The following CDC25C variants were observed in gnomAD, a reference collection of about 807,000 sequenced individuals.
The protein encoded by CDC25C is M-phase inducer phosphatase 3.
CDC25C carries 48 observed loss-of-function variants against 52.5 expected under a neutral mutation model. The ratio of observed to expected loss-of-function variants is 0.91; its 90% CI spans 0.72 to 1.16. The LOEUF is 1.16. Among genes scored for constraint, CDC25C ranks in the 50% most tolerant of loss-of-function variants. The pLI is 0.00. For synonymous variants in CDC25C, 187 were observed against 206.5 expected (o/e 0.91, Z 0.81); for missense variants, 510 against 566.1 (o/e 0.90, Z 1.01).
rs1756539611 is a variant in CDC25C at position 138,289,574 on chromosome 5, A to G, written c.865-11T>C. On this transcript the variant is annotated splice_polypyrimidine_tract_variant and intron_variant, in intron 9 of 13. Transcript: ENST00000323760. ...TGGCAGCGCACATACCTAGAAATACACAAGAGCTGAAATAACAGCAAGTAT... is the reference window on the plus strand; with the variant it reads ...TGGCAGCGCACATACCTAGAAATACGCAAGAGCTGAAATAACAGCAAGTAT... The G allele has an allele frequency of 6.2e-7, 1 of 1,609,144 alleles. No homozygotes were observed. The highest frequency in any genetic ancestry group is 8.5e-7 in the Non-Finnish European group (1 of 1,175,482).
intron 6 of CDC25C, among the ~76,000 whole-genome samples, chr5:138,321,750 C>CAAAAAAA (rs531353746): frequency 1.1e-4 from 5 of 47,194 alleles, no homozygotes; most frequent in African/African-American, 3.9e-4. Flanking sequence ...GACTCTGTCT[C>CAAAAAAA]AAAAAAAAAA....
At chr5:138,306,466 T>TTTA (rs750734942) in intron 7 of CDC25C, among the ~76,000 whole-genome samples, 148 of 151,376 alleles carry the variant, frequency 9.8e-4, no homozygotes, top group African/African-American at 1.1e-3. Context: ...TTTATTTCCG[T>TTTA]TTATTATTAT....
At chr5:138,325,996 AC>A in intron 5 of CDC25C, 24 bp downstream of exon 5, 2 of 1,613,878 alleles carry the variant, frequency 1.2e-6, no homozygotes, top group Non-Finnish European at 1.7e-6. Flanking sequence ...GCAAAACAAA[AC>A]CCAAAAAAAG....
Position 138,326,011 on chromosome 5 carries a change from G to T in CDC25C, c.369+10C>A. ...GCAAAACAAAACCCAAAAAAAGAGAGGCTACTCACTGGGCTACATTTCATT... is the reference window on the plus strand; with the variant it reads ...GCAAAACAAAACCCAAAAAAAGAGATGCTACTCACTGGGCTACATTTCATT... On this transcript the variant is annotated intron_variant, in intron 5 of 13. Transcript: ENST00000323760. The T allele has an allele frequency of 6.2e-7, 1 of 1,614,120 alleles. No homozygotes were observed. Among genetic ancestry groups the T allele is most frequent in the Non-Finnish European group, 8.5e-7 (1 of 1,179,978 alleles).
Position 138,318,654 on chromosome 5 carries a change from G to A in CDC25C, c.615+565C>T, listed in dbSNP as rs539682651. Among the ~76,000 whole-genome samples the A allele has an allele frequency of 1.5e-3, 231 of 152,118 alleles. 1 individual carries two copies. Among genetic ancestry groups the A allele is most frequent in the African/African-American group, 4.6e-3 (191 of 41,492 alleles). Reference sequence around the variant, plus strand: ...CGCTTGAACCTGGGAAGAGGAGGTCGCAGTGAGCCAAGATGGCGCCACTGC... The same window carrying A: ...CGCTTGAACCTGGGAAGAGGAGGTCACAGTGAGCCAAGATGGCGCCACTGC... On this transcript the variant is annotated intron_variant, in intron 7 of 13. Coordinates refer to ENST00000323760, the MANE Select transcript of CDC25C (RefSeq NM_001790.5).
chr5:138,304,981 T>C (rs1757897860), intron 7 of CDC25C, among the ~76,000 whole-genome samples: 1 of 152,216 alleles, frequency 6.6e-6, no homozygotes, highest in African/African-American at 2.4e-5. Flanking sequence ...CTGCGTGATC[T>C]ACCTCCTGAC....
chr5:138,289,588 A>G (rs1458097502), intron 9 of CDC25C, 25 bp from the exon 10 acceptor site: 2 of 1,591,996 alleles, frequency 1.3e-6, no homozygotes, highest in East Asian at 2.2e-5. Context: ...GAGCTGAAAT[A>G]ACAGCAAGTA....
At position 138,285,730 on chromosome 5, in the gene CDC25C, C is replaced by T; in HGVS notation, c.1384G>A (p.Glu462Lys). 6.2e-7 allele frequency: 1 copy of T among 1,614,206 alleles called. No homozygotes were observed. The highest frequency in any genetic ancestry group is 8.5e-7 in the Non-Finnish European group (1 of 1,180,018). The change falls in exon 14 of 14, where the codon GAG becomes AAG. Residue 462 changes from glutamate (E) to lysine (K), a missense_variant. Glu to Lys is a moderately conservative substitution (Grantham distance 56, BLOSUM62 1). Transcript: ENST00000323760. ...TCCTTCACCAGAAGGGCAATCTGCT[C>T]CCGCAGCTGCCGCTCCCCTTCCTGC... ...KVQEGERQLR[E>K]QIALLVKDMS...
At chr5:138,292,359 T>C (rs1308889522) in intron 7 of CDC25C, among the ~76,000 whole-genome samples, 2 of 151,864 alleles carry the variant, frequency 1.3e-5, no homozygotes, top group African/African-American at 4.8e-5. Flanking sequence ...CTGGACTGCA[T>C]GATATTCCAT....
chr5:138,309,954 G>C (rs1378782117), intron 7 of CDC25C, among the ~76,000 whole-genome samples: 2 of 152,034 alleles, frequency 1.3e-5, no homozygotes, highest in Non-Finnish European at 2.9e-5. Context: ...TGATCCACCT[G>C]TCTCGGCCTC....
exon 1 of CDC25C, chr5:138,338,261 C>T (rs1306656509): frequency 1.9e-6 from 2 of 1,039,128 alleles, no homozygotes; most frequent in South Asian, 1.3e-5. Flanking sequence ...GCGAACCGAG[C>T]GCTCAGAGCT....
intron 12 of CDC25C, 59 bp downstream of exon 12, chr5:138,286,438 T>C: frequency 1.3e-6 from 2 of 1,539,890 alleles, no homozygotes; most frequent in Non-Finnish European, 1.8e-6. Flanking sequence ...TGAACTGGTG[T>C]GGGAAGTCCA....
At chr5:138,334,134 A>AT (rs1176628164), upstream of CDC25C, among the ~76,000 whole-genome samples, 1 of 151,764 alleles carries the variant, frequency 6.6e-6, no homozygotes, top group East Asian at 2.0e-4. Flanking sequence ...GGGTTTCACC[A>AT]TATTGTCCAG....
intron 7 of CDC25C, among the ~76,000 whole-genome samples, chr5:138,312,600 CA>C (rs929688723): frequency 6.6e-6 from 1 of 151,842 alleles, no homozygotes; most frequent in South Asian, 2.1e-4. Flanking sequence ...AGTTACAAAA[CA>C]AAAAAACCCT....
At chr5:138,292,195 A>G in intron 7 of CDC25C, 79 bp from the exon 8 acceptor site, 3 of 1,178,162 alleles carry the variant, frequency 2.5e-6, no homozygotes, top group Non-Finnish European at 3.6e-6. Context: ...ATCTCCTGGG[A>G]GCTTCTTTGA....
chr5:138,303,178 A>G (rs1757762798), intron 7 of CDC25C, among the ~76,000 whole-genome samples: 1 of 152,212 alleles, frequency 6.6e-6, no homozygotes, highest in Non-Finnish European at 1.5e-5. Context: ...CAAGAAATGT[A>G]TAGCTAACAT....
intron 7 of CDC25C, among the ~76,000 whole-genome samples, chr5:138,309,850 G>A (rs2126748968): frequency 6.6e-6 from 1 of 151,712 alleles, no homozygotes; most frequent in East Asian, 2.0e-4. Flanking sequence ...GGGATTACAG[G>A]CACCTGCCAC....
At chr5:138,297,331 G>A (rs181655175) in intron 7 of CDC25C, among the ~76,000 whole-genome samples, 264 of 152,264 alleles carry the variant, frequency 1.7e-3, no homozygotes, top group Non-Finnish European at 2.8e-3. Flanking sequence ...AAAGTGCTAG[G>A]ATTATAGGCA....
chr5:138,310,481 T>C (rs1334769746), intron 7 of CDC25C, among the ~76,000 whole-genome samples: 1 of 152,232 alleles, frequency 6.6e-6, no homozygotes, highest in Non-Finnish European at 1.5e-5. Flanking sequence ...ATCAAGGCCA[T>C]TGAGCATCCC....
Sources: gnomAD v4.1 joint callset for allele counts (sites outside exome capture counted in the v4.1 genomes callset) on GRCh38, gnomAD v4.1.1 for gene constraint, MANE v1.5 for transcripts, NCBI Gene and HGNC (gene_info 2026-07-23, HGNC 2026-07-21) for gene names.